Variants in OCA2 observed in about 807,000 individuals in gnomAD.
OCA2 encodes the protein OCA2 melanosomal transmembrane protein.
A neutral mutation model predicts 100.2 loss-of-function variants in OCA2; 77 were observed. The ratio of observed to expected loss-of-function variants is 0.77; its 90% CI spans 0.64 to 0.93. OCA2 has a LOEUF of 0.93. Ranked by LOEUF, OCA2 falls within the 40% of genes least tolerant of loss-of-function variation. The pLI is 0.00. For missense variants in OCA2, 1,062 were observed against 1,089.1 expected (o/e 0.98, Z 0.35); for synonymous variants, 432 against 439.2 (o/e 0.98, Z 0.21).
chr15:27,887,370 T>C (rs1343101439), intron 19 of OCA2, among the ~76,000 whole-genome samples: 1 of 151,472 alleles, frequency 6.6e-6, no homozygotes, highest in East Asian at 2.0e-4. Flanking sequence ...GGTGGGCTTG[T>C]TCCTCCCTTG....
chr15:27,900,057 T>C (rs1016347851), intron 19 of OCA2, among the ~76,000 whole-genome samples: 1 of 152,154 alleles, frequency 6.6e-6, no homozygotes, highest in African/African-American at 2.4e-5. Flanking sequence ...GCAGTGACTA[T>C]GTTCTCAGGA....
At chr15:27,744,388 G>A in the OCA2 span, among the ~76,000 whole-genome samples, 3 of 152,326 alleles carry the variant, frequency 2.0e-5, no homozygotes, top group African/African-American at 4.8e-5. Context: ...AGGCTGGGCT[G>A]GATGGGGGAA....
At chr15:28,075,702 A>G (rs2044407089) in intron 2 of OCA2, among the ~76,000 whole-genome samples, 1 of 152,254 alleles carries the variant, frequency 6.6e-6, no homozygotes, top group Non-Finnish European at 1.5e-5. Context: ...ATGAATAAAC[A>G]AAGTGTGATA....
chr15:27,762,970 C>T (rs376783535), intron 23 of OCA2, among the ~76,000 whole-genome samples: 28 of 152,260 alleles, frequency 1.8e-4, no homozygotes, highest in South Asian at 1.2e-3. Context: ...CCACAAATGA[C>T]GTGATTTCAT....
Position 28,030,360 on chromosome 15 carries a change from G to T in OCA2, c.326+1705C>A, listed in dbSNP as rs185532693. On this transcript the variant is annotated intron_variant, in intron 3 of 23. Transcript: ENST00000354638. ...TGTAGTGTTTGAGAGCACAGGAGAA[G>T]CACTGACTCTTGGTGGGTGGGGCAG... Among the ~76,000 whole-genome samples the T allele has an allele frequency of 1.4e-4, 22 of 152,302 alleles. No homozygotes were observed. The East Asian group carries it at 4.1e-3, about 28-fold the overall frequency.
intron 1 of OCA2, among the ~76,000 whole-genome samples, chr15:28,088,712 T>A (rs2044821576): frequency 6.6e-6 from 1 of 151,456 alleles, no homozygotes; most frequent in Admixed American, 6.6e-5. Flanking sequence ...GGGGAGGGAG[T>A]ACATGAATAG....
chr15:27,940,505 C>G (rs771072802), intron 18 of OCA2, among the ~76,000 whole-genome samples: 23 of 152,214 alleles, frequency 1.5e-4, no homozygotes, highest in Non-Finnish European at 1.5e-5. Flanking sequence ...GGTGGCATCA[C>G]AAAACGCCAG....
chr15:27,790,242 A>C (rs1473676962), intron 23 of OCA2, among the ~76,000 whole-genome samples: 1 of 152,256 alleles, frequency 6.6e-6, no homozygotes, highest in South Asian at 2.1e-4. Flanking sequence ...GTTTAAAATC[A>C]AATCTGACAG....
chr15:28,003,118 G>A (rs569951178), intron 9 of OCA2, among the ~76,000 whole-genome samples: 18 of 152,336 alleles, frequency 1.2e-4, no homozygotes, highest in Middle Eastern at 3.4e-3. Flanking sequence ...CTTCCCCCAC[G>A]TGATCCTGCC....
chr15:27,973,163 C>T (rs1486729163), intron 14 of OCA2, among the ~76,000 whole-genome samples: 1 of 152,134 alleles, frequency 6.6e-6, no homozygotes, highest in Admixed American at 6.6e-5. Flanking sequence ...AGCCACCATG[C>T]CCAGTCTGCA....
At position 27,792,350 on chromosome 15, in the gene OCA2, T is replaced by C. The variant is rs185226114; in HGVS notation, c.2433-36878A>G. Among the ~76,000 whole-genome samples the C allele has an allele frequency of 4.6e-5, 7 of 152,300 alleles. No homozygotes were observed. The South Asian group carries it at 6.2e-4, about 14-fold the overall frequency. On this transcript the variant is annotated intron_variant, in intron 23 of 23. Coordinates refer to ENST00000354638, the MANE Select transcript of OCA2 (RefSeq NM_000275.3). ...GCACTGTGACATTTCTACAGAACCA[T>C]TGAACAAGGCTGGCCACTGGCCTGC...
intron 23 of OCA2, among the ~76,000 whole-genome samples, chr15:27,779,055 G>A (rs956941780): frequency 2.0e-5 from 3 of 152,138 alleles, no homozygotes; most frequent in African/African-American, 7.2e-5. Context: ...AAAACTGTTA[G>A]GCATTAAAGT....
At position 27,985,157 on chromosome 15, in the gene OCA2, GC is replaced by G; in HGVS notation, c.1270del (p.Ala424ProfsTer2). 2 of 1,613,856 alleles carry G rather than the reference GC, an allele frequency of 1.2e-6. No homozygotes were observed. Among genetic ancestry groups the G allele is most frequent in the Non-Finnish European group, 1.7e-6 (2 of 1,179,944 alleles). Reference sequence around the variant, plus strand: ...GATGAGACAGAGCATGATGATCATGGCCCACACCCGTCCCCGGGAGAGCCGG... The same window carrying G: ...GATGAGACAGAGCATGATGATCATGGCCACACCCGTCCCCGGGAGAGCCGG... ...AYRLSRGRVWAMIIMLCLIAA... is the reference protein window; with the variant it reads ...AYRLSRGRVWXMIIMLCLIAA... On this transcript the variant is annotated frameshift_variant, in exon 13 of 24. Transcript: ENST00000354638. LOFTEE classifies it high-confidence loss of function.
chr15:28,006,787 G>T (rs1394778819), intron 9 of OCA2, among the ~76,000 whole-genome samples: 1 of 152,222 alleles, frequency 6.6e-6, no homozygotes, highest in African/African-American at 2.4e-5. Flanking sequence ...AATGGCTACA[G>T]ATTTAAATTG....
intron 9 of OCA2, among the ~76,000 whole-genome samples, chr15:27,992,132 A>C: frequency 6.7e-6 from 1 of 148,742 alleles, no homozygotes. Context: ...ACGGAGTCTC[A>C]CTCCGTTGCC....
At chr15:28,022,217 A>C (rs147542028) in intron 6 of OCA2, among the ~76,000 whole-genome samples, 1 of 152,260 alleles carries the variant, frequency 6.6e-6, no homozygotes, top group African/African-American at 2.4e-5. Context: ...GGAGGAAAGG[A>C]GTATCGGGGA....
At chr15:28,024,105 C>T (rs1017808179) in intron 5 of OCA2, among the ~76,000 whole-genome samples, 2 of 152,178 alleles carry the variant, frequency 1.3e-5, no homozygotes, top group African/African-American at 2.4e-5. Context: ...CTGTGACTGT[C>T]GCCTCGGAGG....
At chr15:27,832,229 GC>G (rs2034989579) in intron 23 of OCA2, among the ~76,000 whole-genome samples, 1 of 151,982 alleles carries the variant, frequency 6.6e-6, no homozygotes, top group Non-Finnish European at 1.5e-5. Context: ...TACCCCACTG[GC>G]CCCCTTTCCC....
intron 21 of OCA2, among the ~76,000 whole-genome samples, chr15:27,857,156 G>A (rs2035976697): frequency 6.6e-6 from 1 of 152,150 alleles, no homozygotes; most frequent in African/African-American, 2.4e-5. Context: ...ATAAAATGAT[G>A]TACAGACAGA....
Sources: allele counts gnomAD v4.1 joint callset (sites outside exome capture counted in the v4.1 genomes callset), GRCh38; gene constraint gnomAD v4.1.1; transcripts MANE v1.5; gene names NCBI Gene and HGNC (gene_info 2026-07-23, HGNC 2026-07-21).